PLCB1: variants seen among roughly 807,000 people sequenced by gnomAD.
PLCB1 encodes phospholipase C beta 1, also known as 1-phosphatidylinositol 4,5-bisphosphate phosphodiesterase beta-1.
PLCB1 carries 46 observed loss-of-function variants against 161.8 expected under a neutral mutation model. That is an observed-to-expected ratio of 0.28 (90% CI 0.22 to 0.36). The LOEUF is 0.36. PLCB1 is among the 10% of genes least tolerant of loss of function. The probability of loss-of-function intolerance (pLI) is 1.00; values close to 1 mark genes in which losing one functional copy is unlikely to be tolerated. For missense variants in PLCB1, 1,016 were observed against 1,472.5 expected, an observed-to-expected ratio of 0.69 and a Z score of 5.07; for synonymous variants, 517 against 503.7, an observed-to-expected ratio of 1.03 and a Z score of -0.35.
intron 27 of PLCB1, among the ~76,000 whole-genome samples, chr20:8,782,763 T>A (rs1001529579): frequency 1.3e-5 from 2 of 152,164 alleles, no homozygotes; most frequent in African/African-American, 2.4e-5. Flanking sequence ...CCAGAGTAAA[T>A]GCTTTGACTA....
In PLCB1 at chr20:8,737,066, G is replaced by T. The variant is rs3761170; in HGVS notation, c.2082G>T (p.Gly694=). ...AGTTTCTTTCTGATAAGAAAGTTGG[G>T]ACTTACGTGGAAGTAGATATGTTTG... The part of the protein sequence containing the change: ...SGQFLSDKKV[G]TYVEVDMFGL... Residue 694 remains glycine, a synonymous_variant, in exon 20 of 32, where the codon GGG becomes GGT. Coordinates refer to ENST00000338037, the MANE Select transcript of PLCB1 (RefSeq NM_015192.4). The T allele has an allele frequency of 1.9e-6, 3 of 1,613,170 alleles. No homozygotes were observed. In the African/African-American group the frequency reaches 4.0e-5, roughly 22 times the overall value.
At chr20:8,222,067 A>G (rs1600243309) in intron 2 of PLCB1, among the ~76,000 whole-genome samples, 1 of 152,290 alleles carries the variant, frequency 6.6e-6, no homozygotes, top group Middle Eastern at 3.4e-3. Flanking sequence ...TATGCTAATT[A>G]CACCTACATA....
chr20:8,640,621 A>G (rs1026937749), intron 4 of PLCB1, among the ~76,000 whole-genome samples: 20 of 152,210 alleles, frequency 1.3e-4, no homozygotes, highest in African/African-American at 4.8e-4. Context: ...TGAAATCCAC[A>G]AAAATGAAAC....
chr20:8,860,396 T>C (rs1401780980), intron 31 of PLCB1, among the ~76,000 whole-genome samples: 1 of 152,204 alleles, frequency 6.6e-6, no homozygotes, highest in Non-Finnish European at 1.5e-5. Context: ...TGATTCACAG[T>C]TCCTGAATTC....
intron 2 of PLCB1, among the ~76,000 whole-genome samples, chr20:8,291,427 T>C (rs1042866106): frequency 6.6e-6 from 1 of 152,152 alleles, no homozygotes; most frequent in Non-Finnish European, 1.5e-5. Flanking sequence ...CAGCTTTCCC[T>C]TTGGGTTCTG....
At chr20:8,745,489 C>A (rs908468907) in intron 23 of PLCB1, among the ~76,000 whole-genome samples, 4 of 152,014 alleles carry the variant, frequency 2.6e-5, no homozygotes, top group Admixed American at 2.6e-4. Context: ...TGTAAATTAT[C>A]TTTTTAGAGT....
At chr20:8,803,239 G>A (rs533956828) in intron 31 of PLCB1, among the ~76,000 whole-genome samples, 10 of 151,866 alleles carry the variant, frequency 6.6e-5, no homozygotes, top group East Asian at 1.9e-4. Context: ...GAGTGGGGCC[G>A]GAAAGTCTGC....
At chr20:8,399,527 A>G (rs1978451638) in intron 3 of PLCB1, among the ~76,000 whole-genome samples, 1 of 152,102 alleles carries the variant, frequency 6.6e-6, no homozygotes, top group Non-Finnish European at 1.5e-5. Context: ...TTCAAGTTCT[A>G]TAAGGGAAAA....
At chr20:8,231,648 T>A (rs1052408792) in intron 2 of PLCB1, among the ~76,000 whole-genome samples, 2 of 152,170 alleles carry the variant, frequency 1.3e-5, no homozygotes, top group Non-Finnish European at 2.9e-5. Context: ...TCTGCTTCTT[T>A]GCACGCATTC....
intron 6 of PLCB1, among the ~76,000 whole-genome samples, chr20:8,648,864 A>G (rs1337189181): frequency 6.6e-6 from 1 of 151,742 alleles, no homozygotes; most frequent in African/African-American, 2.4e-5. Context: ...TCACTTGAGC[A>G]TGGGAAGTGG....
intron 2 of PLCB1, among the ~76,000 whole-genome samples, chr20:8,350,559 C>T (rs561221545): frequency 1.2e-3 from 189 of 152,228 alleles, no homozygotes; most frequent in Non-Finnish European, 2.4e-3. Context: ...TATAGGTGTG[C>T]ATGTATCTTT....
chr20:8,414,634 A>C (rs950613439), intron 3 of PLCB1, among the ~76,000 whole-genome samples: 16 of 152,220 alleles, frequency 1.1e-4, no homozygotes, highest in Non-Finnish European at 2.1e-4. Context: ...CATTTCTCTG[A>C]TGTTTAATCT....
At chr20:8,828,153 G>C (rs1352563878) in intron 31 of PLCB1, among the ~76,000 whole-genome samples, 1 of 152,148 alleles carries the variant, frequency 6.6e-6, no homozygotes, top group Non-Finnish European at 1.5e-5. Context: ...TGCATTGGGG[G>C]GTGTGATGGT....
At chr20:8,141,373 C>A (rs1199147307) in intron 1 of PLCB1, among the ~76,000 whole-genome samples, 1 of 152,106 alleles carries the variant, frequency 6.6e-6, no homozygotes, top group Non-Finnish European at 1.5e-5. Flanking sequence ...CCTGTAATCC[C>A]AGCATATTGG....
At chr20:8,843,528 C>T (rs1036649862) in intron 31 of PLCB1, among the ~76,000 whole-genome samples, 5 of 152,222 alleles carry the variant, frequency 3.3e-5, no homozygotes, top group East Asian at 3.9e-4. Flanking sequence ...TCACAACCCC[C>T]ATCATAGGCA....
intron 23 of PLCB1, among the ~76,000 whole-genome samples, chr20:8,750,227 G>A (rs746746566): frequency 5.9e-4 from 90 of 152,110 alleles, no homozygotes; most frequent in Admixed American, 9.8e-4. Context: ...TCCAGTTACC[G>A]CTGGAAGAAC....
At chr20:8,361,661 A>G (rs2065059749) in intron 2 of PLCB1, among the ~76,000 whole-genome samples, 1 of 152,204 alleles carries the variant, frequency 6.6e-6, no homozygotes, top group Admixed American at 6.5e-5. Flanking sequence ...TTCAAATATT[A>G]TATTAAGGTA....
chr20:8,341,863 AT>A (rs1985820974), intron 2 of PLCB1, among the ~76,000 whole-genome samples: 1 of 152,144 alleles, frequency 6.6e-6, no homozygotes, highest in African/African-American at 2.4e-5. Flanking sequence ...TACTATCATC[AT>A]TTTTTGTATG....
chr20:8,753,158 T>A (rs1372777996), intron 23 of PLCB1, among the ~76,000 whole-genome samples: 2 of 152,124 alleles, frequency 1.3e-5, no homozygotes, highest in Non-Finnish European at 2.9e-5. Flanking sequence ...TGGGACCATC[T>A]AGTTGCAAGA....
Sources: allele counts gnomAD v4.1 joint callset (sites outside exome capture counted in the v4.1 genomes callset), GRCh38; gene constraint gnomAD v4.1.1; transcripts MANE v1.5; gene names NCBI Gene and HGNC (gene_info 2026-07-23, HGNC 2026-07-21).